ARSB: variants seen among roughly 807,000 people sequenced by gnomAD.
ARSB encodes the protein N-acetylgalactosamine-4-sulfatase.
Under a neutral mutation model 50.9 loss-of-function variants are expected in ARSB, and 41 were observed. That is an observed-to-expected ratio of 0.81 (90% CI 0.63 to 1.04). The LOEUF is 1.04. Among genes scored for constraint, ARSB ranks in the 50% least tolerant of loss-of-function variants. ARSB has a pLI of 0.00. For synonymous variants in ARSB, 269 were observed against 284.8 expected (o/e 0.94, Z 0.56); for missense variants, 672 against 693.3 (o/e 0.97, Z 0.35).
At chr5:78,794,620 A>G (rs1470819063) in intron 6 of ARSB, among the ~76,000 whole-genome samples, 1 of 152,080 alleles carries the variant, frequency 6.6e-6, no homozygotes, top group Non-Finnish European at 1.5e-5. Context: ...AAGGAGGAGG[A>G]GGGAGAGGAG....
chr5:78,813,431 A>G (rs990868840), intron 6 of ARSB, among the ~76,000 whole-genome samples: 10 of 152,198 alleles, frequency 6.6e-5, no homozygotes, highest in African/African-American at 2.4e-4. Flanking sequence ...TATAATCTCT[A>G]CCTGAAGTCA....
chr5:78,887,224 T>C (rs1366646824), intron 4 of ARSB, among the ~76,000 whole-genome samples: 1 of 152,108 alleles, frequency 6.6e-6, no homozygotes, highest in Non-Finnish European at 1.5e-5. Context: ...CAGTTGCTGG[T>C]GAGGGCTTTT....
chr5:78,926,436 T>G (rs367840995), intron 4 of ARSB, among the ~76,000 whole-genome samples: 15 of 152,254 alleles, frequency 9.9e-5, no homozygotes, highest in East Asian at 5.8e-4. Flanking sequence ...TGAAACTTGC[T>G]TCCCCCACTT....
chr5:78,979,336 G>C (rs941408441), intron 1 of ARSB, among the ~76,000 whole-genome samples: 2 of 152,214 alleles, frequency 1.3e-5, no homozygotes, highest in African/African-American at 4.8e-5. Flanking sequence ...AAAAGATAAT[G>C]ACAAGTGTTG....
chr5:78,966,411 T>G (rs1276327842), intron 2 of ARSB, among the ~76,000 whole-genome samples: 1 of 152,234 alleles, frequency 6.6e-6, no homozygotes, highest in Admixed American at 6.5e-5. Flanking sequence ...TGATGCTTTA[T>G]GTACCAGCTG....
intron 4 of ARSB, among the ~76,000 whole-genome samples, chr5:78,946,861 T>C (rs530647562): frequency 3.3e-5 from 5 of 152,054 alleles, no homozygotes; most frequent in Admixed American, 6.6e-5. Flanking sequence ...AGGAATCACA[T>C]TACCTGATTT....
intron 4 of ARSB, among the ~76,000 whole-genome samples, chr5:78,905,905 A>C (rs1749040370): frequency 9.5e-6 from 1 of 105,086 alleles, no homozygotes; most frequent in Non-Finnish European, 1.9e-5. Context: ...TTGGGAGCAA[A>C]GTAGCAAAAA....
rs1357212152 is a variant in ARSB at position 78,984,957 on chromosome 5, G to T, written c.292C>A (p.Leu98Met). Residue 98 changes from leucine to methionine, a missense_variant, in exon 1 of 8, where the codon CTG (leucine) becomes ATG (methionine). By Grantham distance (15) the Leu-to-Met change is conservative. Coordinates refer to ENST00000264914, the MANE Select transcript of ARSB (RefSeq NM_000046.5). ...QPLCTPSRSQLLTGRYQIRTG... is the reference protein window; with the variant it reads ...QPLCTPSRSQMLTGRYQIRTG... ...CGTACCTGGTAGCGGCCAGTGAGCA[G>T]CTGGCTCCGCGACGGCGTGCACAGC... 7 of 1,473,344 alleles carry T rather than the reference G, an allele frequency of 4.8e-6. No homozygotes were observed. In the East Asian group the frequency reaches 2.0e-4, roughly 42 times the overall value. 91.3% of individuals were successfully genotyped at this position (1,473,344 alleles called of 1,614,324 possible).
At chr5:78,919,043 T>A (rs947326834) in intron 4 of ARSB, among the ~76,000 whole-genome samples, 4 of 152,204 alleles carry the variant, frequency 2.6e-5, no homozygotes, top group African/African-American at 7.2e-5. Flanking sequence ...TTCCTATTGA[T>A]TGGCTACAAT....
intron 6 of ARSB, among the ~76,000 whole-genome samples, chr5:78,793,426 A>G (rs953544699): frequency 6.6e-6 from 1 of 152,176 alleles, no homozygotes; most frequent in Non-Finnish European, 1.5e-5. Context: ...GGAAGTTTCT[A>G]CTCTAATTGG....
intron 4 of ARSB, among the ~76,000 whole-genome samples, chr5:78,903,517 A>G (rs1412293858): frequency 1.3e-5 from 2 of 152,202 alleles, no homozygotes; most frequent in African/African-American, 4.8e-5. Context: ...CTTCTTTTAT[A>G]AAACAGTAGA....
chr5:78,942,967 T>G (rs960342078), intron 4 of ARSB, among the ~76,000 whole-genome samples: 2 of 152,230 alleles, frequency 1.3e-5, no homozygotes, highest in African/African-American at 4.8e-5. Flanking sequence ...GGTGCTCCTG[T>G]ATTGGGTGCA....
chr5:78,864,474 G>A (rs770136594), intron 5 of ARSB, among the ~76,000 whole-genome samples: 7 of 152,090 alleles, frequency 4.6e-5, no homozygotes, highest in East Asian at 1.9e-4. Context: ...ATCTGCCACC[G>A]GGTCCCTCCC....
intron 5 of ARSB, among the ~76,000 whole-genome samples, chr5:78,875,698 C>G (rs1456243415): frequency 1.3e-5 from 2 of 151,176 alleles, no homozygotes; most frequent in African/African-American, 4.9e-5. Context: ...GACAGAGTCT[C>G]GCTCTTTTAC....
intron 6 of ARSB, among the ~76,000 whole-genome samples, chr5:78,833,238 T>C (rs1248921065): frequency 6.6e-6 from 1 of 152,128 alleles, no homozygotes; most frequent in African/African-American, 2.4e-5. Context: ...CCCACCACTT[T>C]AGAGGTTTCC....
intron 6 of ARSB, among the ~76,000 whole-genome samples, chr5:78,791,562 C>A (rs1322707150): frequency 1.3e-5 from 2 of 152,254 alleles, no homozygotes; most frequent in Non-Finnish European, 2.9e-5. Flanking sequence ...CAGGCCGCAT[C>A]TGAGCGACTG....
In ARSB at chr5:78,780,298, C is replaced by G. The variant is rs1471333228; in HGVS notation, c.*99G>C. 3.2e-5 allele frequency: 49 copies of G among 1,547,638 alleles called. 1 individual carries two copies. The highest frequency in any genetic ancestry group is 4.2e-5 in the Non-Finnish European group (47 of 1,124,092). ...TGTGGTTTAAGAGCAAGAGAAGGGCCAAGTGAACCCAGGTTGGGATAACAA... is the reference window on the plus strand; with the variant it reads ...TGTGGTTTAAGAGCAAGAGAAGGGCGAAGTGAACCCAGGTTGGGATAACAA... On this transcript the variant is annotated 3_prime_UTR_variant, in exon 8 of 8. Coordinates refer to ENST00000264914, the MANE Select transcript of ARSB (RefSeq NM_000046.5).
intron 5 of ARSB, among the ~76,000 whole-genome samples, chr5:78,849,841 C>A (rs1482749483): frequency 1.2e-4 from 18 of 149,278 alleles, no homozygotes; most frequent in African/African-American, 3.7e-4. Context: ...TGGGAGTTCA[C>A]TCATGATTTG....
intron 4 of ARSB, among the ~76,000 whole-genome samples, chr5:78,905,899 G>T (rs1185706604): frequency 8.5e-6 from 1 of 117,360 alleles, no homozygotes; most frequent in Non-Finnish European, 1.7e-5. Flanking sequence ...TTGCCTTTGG[G>T]AGCAAAGTAG....
Sources: allele counts gnomAD v4.1 joint callset (sites outside exome capture counted in the v4.1 genomes callset), GRCh38; gene constraint gnomAD v4.1.1; transcripts MANE v1.5; gene names NCBI Gene and HGNC (gene_info 2026-07-23, HGNC 2026-07-21).